The following IL1RAPL1 variants were observed in gnomAD, a reference collection of about 807,000 sequenced individuals.
IL1RAPL1 encodes interleukin 1 receptor accessory protein like 1, also known as interleukin-1 receptor accessory protein-like 1.
In IL1RAPL1, 3 loss-of-function variants were observed where a neutral mutation model predicts 48.4. The observed-to-expected ratio is 0.06, with a 90% CI of 0.03 to 0.16. The LOEUF (loss-of-function observed/expected upper bound fraction) is 0.16. Ranked by LOEUF, IL1RAPL1 falls within the 10% of genes least tolerant of loss-of-function variation. IL1RAPL1 has a pLI of 1.00. For synonymous variants in IL1RAPL1, 185 were observed against 187.7 expected (o/e 0.99, Z 0.12); for missense variants, 349 against 530.6 (o/e 0.66, Z 3.36).
intron 5 of IL1RAPL1, among the ~76,000 whole-genome samples, chrX:29,541,086 T>C (rs1238197827): frequency 1.8e-5 from 2 of 111,311 alleles, no homozygotes; most frequent in Non-Finnish European, 3.8e-5. Flanking sequence ...TTGGACAAAC[T>C]AAAAACAAAT....
At chrX:29,459,533 T>A (rs1004914192) in intron 5 of IL1RAPL1, among the ~76,000 whole-genome samples, 4 of 110,483 alleles carry the variant, frequency 3.6e-5, no homozygotes, top group African/African-American at 1.3e-4. Flanking sequence ...ATTGGAAGAG[T>A]GTCATAATAG....
chrX:29,893,477 G>A (rs1473040024), intron 6 of IL1RAPL1, among the ~76,000 whole-genome samples: 3 of 110,822 alleles, frequency 2.7e-5, no homozygotes, highest in Non-Finnish European at 5.7e-5. Flanking sequence ...TTATGGAGGG[G>A]AGTGTTAACT....
chrX:29,741,469 A>T (rs6526922), intron 6 of IL1RAPL1, among the ~76,000 whole-genome samples: 16,701 of 110,878 alleles, frequency 0.15, 1,360 homozygotes, highest in African/African-American at 0.3. Context: ...GTAGGTTTAT[A>T]TCAACAGATT....
chrX:29,333,761 C>A (rs1444874658), intron 3 of IL1RAPL1, among the ~76,000 whole-genome samples: 1 of 71,545 alleles, frequency 1.4e-5, no homozygotes, highest in Admixed American at 1.5e-4. Context: ...TGGGGGCTGA[C>A]CCCCCCCACC....
intron 2 of IL1RAPL1, among the ~76,000 whole-genome samples, chrX:29,103,541 T>G (rs1311780268): frequency 9.4e-6 from 1 of 106,840 alleles, no homozygotes; most frequent in Non-Finnish European, 1.9e-5. Context: ...CTGGGGAAAC[T>G]CTCTAGGACA....
chrX:28,867,606 C>G (rs949440309), intron 2 of IL1RAPL1, among the ~76,000 whole-genome samples: 4 of 112,050 alleles, frequency 3.6e-5, no homozygotes, highest in African/African-American at 1.3e-4. Context: ...GGGACAAAAC[C>G]TAAAAATATG....
At chrX:29,670,027 T>C (rs941395776) in intron 6 of IL1RAPL1, among the ~76,000 whole-genome samples, 2 of 111,922 alleles carry the variant, frequency 1.8e-5, no homozygotes, top group African/African-American at 3.2e-5. Flanking sequence ...GGTTTTATGG[T>C]ACCAGTTACT....
chrX:29,461,928 G>T (rs1230427258), intron 5 of IL1RAPL1, among the ~76,000 whole-genome samples: 1 of 111,670 alleles, frequency 9.0e-6, no homozygotes, highest in Non-Finnish European at 1.9e-5. Flanking sequence ...TTAAAACTGG[G>T]TTATTGTGAT....
At chrX:29,063,159 C>T (rs192913755) in intron 2 of IL1RAPL1, among the ~76,000 whole-genome samples, 1 of 110,901 alleles carries the variant, frequency 9.0e-6, no homozygotes, top group African/African-American at 3.3e-5. Context: ...GGAGTTTTCT[C>T]CAAATAAAAC....
intron 5 of IL1RAPL1, among the ~76,000 whole-genome samples, chrX:29,540,993 C>T (rs1258179737): frequency 8.9e-6 from 1 of 111,953 alleles, no homozygotes; most frequent in Non-Finnish European, 1.9e-5. Flanking sequence ...AGTAAACAGA[C>T]AACCTACAGA....
chrX:29,208,124 G>T (rs1422591829), intron 2 of IL1RAPL1, among the ~76,000 whole-genome samples: 1 of 111,472 alleles, frequency 9.0e-6, no homozygotes, highest in East Asian at 2.8e-4. Context: ...AGTAGATACG[G>T]TATGAGCAGA....
chrX:29,086,404 A>G (rs1035701612), intron 2 of IL1RAPL1, among the ~76,000 whole-genome samples: 4 of 112,330 alleles, frequency 3.6e-5, no homozygotes, highest in Admixed American at 2.8e-4. Flanking sequence ...AATTTCTTTT[A>G]TCTGTCAATC....
At chrX:28,870,636 A>G (rs865777652) in intron 2 of IL1RAPL1, among the ~76,000 whole-genome samples, 1 of 111,655 alleles carries the variant, frequency 9.0e-6, no homozygotes, top group East Asian at 2.8e-4. Flanking sequence ...TATTTTCTTT[A>G]TATATCTCTT....
chrX:29,239,211 A>G (rs767702578), intron 2 of IL1RAPL1, among the ~76,000 whole-genome samples: 14 of 112,084 alleles, frequency 1.2e-4, no homozygotes, highest in Non-Finnish European at 2.4e-4. Flanking sequence ...GACTCACTCA[A>G]TACTAATCTA....
intron 6 of IL1RAPL1, among the ~76,000 whole-genome samples, chrX:29,836,108 T>C (rs1347222038): frequency 2.7e-5 from 3 of 110,235 alleles, no homozygotes; most frequent in African/African-American, 9.9e-5. Context: ...TCTTTTTCAA[T>C]GTCAGCATTT....
At chrX:28,887,779 A>G (rs745628843) in intron 2 of IL1RAPL1, among the ~76,000 whole-genome samples, 10 of 111,247 alleles carry the variant, frequency 9.0e-5, no homozygotes, top group Non-Finnish European at 1.9e-4. Context: ...ATTCTTTATC[A>G]GTGACATAAT....
At chrX:28,861,633 A>G (rs1043296584) in intron 2 of IL1RAPL1, among the ~76,000 whole-genome samples, 5 of 111,330 alleles carry the variant, frequency 4.5e-5, no homozygotes, top group East Asian at 2.9e-4. Context: ...TAGAAGCACA[A>G]TGAAAAACAT....
At chrX:29,839,664 C>T (rs1308758913) in intron 6 of IL1RAPL1, among the ~76,000 whole-genome samples, 10 of 112,464 alleles carry the variant, frequency 8.9e-5, no homozygotes, top group South Asian at 7.3e-4. Flanking sequence ...GGGAGGCTCA[C>T]GCCTGTAATT....
intron 5 of IL1RAPL1, among the ~76,000 whole-genome samples, chrX:29,418,125 A>ATATTTTTTTT (rs1474269220): frequency 3.7e-5 from 1 of 26,704 alleles, no homozygotes; most frequent in African/African-American, 1.7e-4. Flanking sequence ...ATATATATAT[A>ATATTTTTTTT]TTTTTTTTTT....
Sources: gnomAD v4.1 joint callset for allele counts (sites outside exome capture counted in the v4.1 genomes callset) on GRCh38, gnomAD v4.1.1 for gene constraint, MANE v1.5 for transcripts, NCBI Gene and HGNC (gene_info 2026-07-23, HGNC 2026-07-21) for gene names.